KCNQ1: variants seen among roughly 807,000 people sequenced by gnomAD.
The protein encoded by KCNQ1 is potassium voltage-gated channel subfamily Q member 1.
A neutral mutation model predicts 72.4 loss-of-function variants in KCNQ1; 49 were observed. That is an observed-to-expected ratio of 0.68 (90% CI 0.54 to 0.86). The LOEUF (loss-of-function observed/expected upper bound fraction) is 0.86. Among genes scored for constraint, KCNQ1 ranks in the 40% least tolerant of loss-of-function variants. KCNQ1 has a pLI of 0.00. For synonymous variants in KCNQ1, 450 were observed against 412.6 expected, an observed-to-expected ratio of 1.09 and a Z score of -1.10; for missense variants, 790 against 945.1, an observed-to-expected ratio of 0.84 and a Z score of 2.15.
intron 1 of KCNQ1, among the ~76,000 whole-genome samples, chr11:2,455,070 G>T (rs1165813781): frequency 6.6e-6 from 1 of 151,260 alleles, no homozygotes; most frequent in Non-Finnish European, 1.5e-5. Context: ...GAAGTCTCAG[G>T]ATACAAAATC....
chr11:2,472,630 T>A (rs1298418610), intron 1 of KCNQ1, among the ~76,000 whole-genome samples: 1 of 145,712 alleles, frequency 6.9e-6, no homozygotes, highest in Non-Finnish European at 1.5e-5. Flanking sequence ...CGGGGCTTTC[T>A]GAGTCACTGG....
Position 2,496,514 on chromosome 11 carries a change from T to TTTTTTTTTTTTTTTTTTTTTTTTTC in KCNQ1, c.387-31408_387-31407insTTTTTTTTTTTTTTTTTTCTTTTTT, listed in dbSNP as rs1298578436. On this transcript the variant is annotated intron_variant, in intron 1 of 15. Coordinates refer to ENST00000155840, the MANE Select transcript of KCNQ1 (RefSeq NM_000218.3). ...CCCCTGCTTTTTTTTTTTTTTTTTT[T>TTTTTTTTTTTTTTTTTTTTTTTTTC]TTTTTTGCTTTCCATTGCTTGGTAA... 1.6e-5 allele frequency among the ~76,000 whole-genome samples: 2 copies of TTTTTTTTTTTTTTTTTTTTTTTTTC among 127,656 alleles called. 1 individual carries two copies. Among genetic ancestry groups the TTTTTTTTTTTTTTTTTTTTTTTTTC allele is most frequent in the Non-Finnish European group, 3.3e-5 (2 of 59,848 alleles). The allele number at this position is 127,656 out of a possible 152,430, so 83.7% of individuals were successfully genotyped here.
intron 1 of KCNQ1, among the ~76,000 whole-genome samples, chr11:2,523,968 G>T (rs188344019): frequency 6.6e-6 from 1 of 152,014 alleles, no homozygotes; most frequent in Non-Finnish European, 1.5e-5. Flanking sequence ...CATGGCTGTC[G>T]CTTGGCTGAA....
At chr11:2,793,657 CTG>C (rs1042771709) in intron 15 of KCNQ1, among the ~76,000 whole-genome samples, 3 of 151,660 alleles carry the variant, frequency 2.0e-5, no homozygotes, top group African/African-American at 7.3e-5. Context: ...TTTTTTTTAA[CTG>C]AGGCCCTTCT....
intron 10 of KCNQ1, among the ~76,000 whole-genome samples, chr11:2,604,585 G>A (rs140565381): frequency 0.024 from 3,695 of 151,652 alleles, 141 homozygotes; most frequent in African/African-American, 0.078. Flanking sequence ...TTGCTCTGTC[G>A]CCAGGCTGGA....
chr11:2,448,382 G>A (rs537881230), intron 1 of KCNQ1, among the ~76,000 whole-genome samples: 95 of 152,316 alleles, frequency 6.2e-4, no homozygotes, highest in African/African-American at 9.9e-4. Flanking sequence ...GAACCCTCGC[G>A]GGTGCGTGTT....
At chr11:2,629,270 A>G (rs1365226857) in intron 10 of KCNQ1, 20 of 398,224 alleles carry the variant, frequency 5.0e-5, no homozygotes, top group Non-Finnish European at 8.9e-5. Context: ...GAATTTGTTC[A>G]ATGTTTCATA....
chr11:2,771,202 C>G (rs545370721), intron 12 of KCNQ1, among the ~76,000 whole-genome samples: 6 of 152,374 alleles, frequency 3.9e-5, no homozygotes, highest in African/African-American at 1.4e-4. Context: ...CATGCAGACC[C>G]TGATGGCTCC....
Position 2,668,935 on chromosome 11 carries a change from T to G in KCNQ1, c.1514+6854T>G, listed in dbSNP as rs1331510907. 2.5e-6 allele frequency: 1 copy of G among 398,496 alleles called. No individual in the cohort carries two copies. Among genetic ancestry groups the G allele is most frequent in the Non-Finnish European group, 4.4e-6 (1 of 226,072 alleles). 24.7% of individuals were successfully genotyped at this position (398,496 alleles called of 1,614,324 possible). On this transcript the variant is annotated intron_variant, in intron 11 of 15. Transcript: ENST00000155840. This position sits in a 1 kb window ranked among gnomAD's most constrained non-coding sequence, Gnocchi z 4.3. ...AAGCTTTATTAGCTCACCTTTCCCA[T>G]GTAGATCTGCACTCCATCTGGGATT...
rs1484571858 is a variant in KCNQ1, at chr11:2,725,709, G to A, written c.1515-43135G>A. Among the ~76,000 whole-genome samples the A allele has an allele frequency of 6.6e-6, 1 of 152,142 alleles. No individual in the cohort carries two copies. Among genetic ancestry groups the A allele is most frequent in the Non-Finnish European group, 1.5e-5 (1 of 68,032 alleles). On this transcript the variant is annotated intron_variant, in intron 11 of 15. Coordinates refer to ENST00000155840, the MANE Select transcript of KCNQ1 (RefSeq NM_000218.3). This position sits in a 1 kb window ranked among gnomAD's most constrained non-coding sequence, Gnocchi z 7.2. ...GTGCACTCCAGCCGAGGGCAGCCTG[G>A]GGAAGGTACGAGAGATCACTGGGCT...
At chr11:2,558,904 A>T (rs1008138917) in intron 2 of KCNQ1, among the ~76,000 whole-genome samples, 1 of 152,112 alleles carries the variant, frequency 6.6e-6, no homozygotes, top group Non-Finnish European at 1.5e-5. Flanking sequence ...GTGTGGTCCA[A>T]GTTCCTTTCT....
At chr11:2,466,828 T>C (rs1005360731) in intron 1 of KCNQ1, among the ~76,000 whole-genome samples, 1 of 151,820 alleles carries the variant, frequency 6.6e-6, no homozygotes, top group Non-Finnish European at 1.5e-5. Context: ...TCATAATAGT[T>C]TTAGTTTATA....
intron 8 of KCNQ1, among the ~76,000 whole-genome samples, chr11:2,586,455 C>T (rs375784008): frequency 1.3e-3 from 203 of 152,316 alleles, no homozygotes; most frequent in African/African-American, 4.5e-3. Context: ...TGGCCGCCCA[C>T]GCCTGGCAGG....
Position 2,497,021 on chromosome 11 carries a change from T to C in KCNQ1, c.387-30907T>C, listed in dbSNP as rs1846934706. On this transcript the variant is annotated intron_variant, in intron 1 of 15. Transcript: ENST00000155840. This position sits in a 1 kb window ranked among gnomAD's most constrained non-coding sequence, Gnocchi z 4.5. ...ACTCTCTTCTGGCTTGTAGGGTTTCTGCAGAGAGATTTGCTGTTAGTCTGA... is the reference window on the plus strand; with the variant it reads ...ACTCTCTTCTGGCTTGTAGGGTTTCCGCAGAGAGATTTGCTGTTAGTCTGA... 6.6e-6 allele frequency among the ~76,000 whole-genome samples: 1 copy of C among 152,234 alleles called. No individual in the cohort carries two copies. The highest frequency in any genetic ancestry group is 2.4e-5 in the African/African-American group (1 of 41,464).
rs34219164 is a variant in KCNQ1 at position 2,674,832 on chromosome 11, TAAAAAAAAAAA to T, written c.1514+12769_1514+12779del. 1.8e-4 allele frequency: 55 copies of T among 303,864 alleles called. No individual in the cohort carries two copies. Among genetic ancestry groups the T allele is most frequent in the Non-Finnish European group, 2.5e-4 (48 of 188,594 alleles). The allele number at this position is 303,864 out of a possible 1,614,324, so 18.8% of individuals were successfully genotyped here. ...GCTTGTCACCCTAATAGCTGTTTTT[TAAAAAAAAAAA>T]AAAAAAAAAAAAAAAAAGCTCACTG... On this transcript the variant is annotated intron_variant, in intron 11 of 15. Transcript: ENST00000155840. This position sits in a 1 kb window ranked among gnomAD's most constrained non-coding sequence, Gnocchi z 5.9.
At chr11:2,758,806 A>C (rs1182132000) in intron 11 of KCNQ1, among the ~76,000 whole-genome samples, 1 of 152,216 alleles carries the variant, frequency 6.6e-6, no homozygotes, top group African/African-American at 2.4e-5. Flanking sequence ...GAAAGGTCGC[A>C]TGCTGTGTGA....
rs778877444 is a variant in KCNQ1 at position 2,781,905 on chromosome 11, G to A, written c.1794+3868G>A. ...GACACTCCTTTCACTGCCTCCGGTCGCAGAATCCAGGCCTCCAGGATGAGA... is the reference window on the plus strand; with the variant it reads ...GACACTCCTTTCACTGCCTCCGGTCACAGAATCCAGGCCTCCAGGATGAGA... On this transcript the variant is annotated intron_variant, in intron 15 of 15. Coordinates refer to ENST00000155840, the MANE Select transcript of KCNQ1 (RefSeq NM_000218.3). This position sits in a 1 kb window ranked among gnomAD's most constrained non-coding sequence, Gnocchi z 6.6. Among the ~76,000 whole-genome samples the A allele has an allele frequency of 1.3e-5, 2 of 152,098 alleles. No homozygotes were observed. Among genetic ancestry groups the A allele is most frequent in the African/African-American group, 4.8e-5 (2 of 41,420 alleles).
intron 11 of KCNQ1, chr11:2,667,337 T>C: frequency 7.5e-6 from 3 of 398,626 alleles, no homozygotes; most frequent in Non-Finnish European, 1.3e-5. Context: ...CAGTGAGGCT[T>C]CTCATTTCCT....
chr11:2,642,317 AG>A lies in KCNQ1; in HGVS notation c.1394-19642del. The A allele has an allele frequency of 2.5e-6, 1 of 398,114 alleles. No homozygotes were observed. Among genetic ancestry groups the A allele is most frequent in the Non-Finnish European group, 4.4e-6 (1 of 225,826 alleles). The allele number at this position is 398,114 out of a possible 1,614,324, so 24.7% of individuals were successfully genotyped here. A position where few individuals can be genotyped will look rare whatever the true frequency, so the allele number is the denominator to read the frequency against. On this transcript the variant is annotated intron_variant, in intron 10 of 15. Transcript: ENST00000155840. The surrounding 1 kb of genome is among the most constrained non-coding windows in gnomAD (Gnocchi z 4.3). ...AGACTTTTGTAGTTTTCCTTGTTAG[AG>A]GTTTCTCACCTCTTTGGTTAAACTC...
Sources: gnomAD v4.1 joint callset for allele counts (sites outside exome capture counted in the v4.1 genomes callset) on GRCh38, gnomAD v4.1.1 for gene constraint, Gnocchi (gnomAD v3.1) non-coding constraint, MANE v1.5 for transcripts, NCBI Gene and HGNC (gene_info 2026-07-23, HGNC 2026-07-21) for gene names.